Variants in LPP observed in about 807,000 individuals in gnomAD.
The protein encoded by LPP is lipoma-preferred partner.
LPP carries 38 observed loss-of-function variants against 60.4 expected under a neutral mutation model. The ratio of observed to expected loss-of-function variants is 0.63; its 90% confidence interval spans 0.49 to 0.83. The LOEUF (loss-of-function observed/expected upper bound fraction) is 0.83, where lower values mean the gene tolerates loss of function less well. Ranked by LOEUF, LPP falls within the 40% of genes least tolerant of loss-of-function variation. LPP has a pLI of 0.00. For synonymous variants in LPP, 328 were observed against 290.8 expected (o/e 1.13, Z -1.30); for missense variants, 902 against 783.6 (o/e 1.15, Z -1.80).
rs903488753 is a variant in LPP, at chr3:188,402,744, T to A, written c.-9-3368T>A. 4.6e-5 allele frequency among the ~76,000 whole-genome samples: 7 copies of A among 152,338 alleles called. No individual in the cohort carries two copies. The East Asian group carries it at 1.4e-3, about 29-fold the overall frequency. ...GCCGGTATAGTGAGACTAGTTGGAG[T>A]TTCCAACTTGTTGGGACATGTAGGC... is the stretch of plus-strand genomic sequence containing the variant. On this transcript the variant is annotated intron_variant, in intron 3 of 11. Coordinates refer to ENST00000617246, the MANE Select transcript of LPP (RefSeq NM_001375462.1).
rs1242692881 is a variant in LPP at position 188,874,232 on chromosome 3, G to C, written c.1711-119G>C. ...AGGGGATTAGCAGAATGTAAAGCAG[G>C]AAGGATAGTAAGTGGCCACATTATG... On this transcript the variant is annotated intron_variant, in intron 11 of 11. Coordinates refer to ENST00000617246, the MANE Select transcript of LPP (RefSeq NM_001375462.1). 3 of 790,822 alleles carry C rather than the reference G, an allele frequency of 3.8e-6. No homozygotes were observed. The Admixed American group carries it at 7.7e-5, about 20-fold the overall frequency. The allele number at this position is 790,822 out of a possible 1,614,324, so 49.0% of individuals were successfully genotyped here.
chr3:188,639,108 T>G lies in LPP; in HGVS notation c.1113+29264T>G, dbSNP rs559108033. ...GCTGGAGGCATCACGCTACCTGACT[T>G]CAAACTATACTACAAGGCTACGGTA... On this transcript the variant is annotated intron_variant, in intron 7 of 11. Coordinates refer to ENST00000617246, the MANE Select transcript of LPP (RefSeq NM_001375462.1). Among the ~76,000 whole-genome samples, 476 of 151,922 alleles carry G rather than the reference T, an allele frequency of 3.1e-3. 1 individual carries two copies. Among genetic ancestry groups the G allele is most frequent in the African/African-American group, 0.011 (436 of 41,496 alleles).
chr3:188,562,791 C>T (rs1374115902), intron 6 of LPP, among the ~76,000 whole-genome samples: 7 of 152,062 alleles, frequency 4.6e-5, no homozygotes, highest in African/African-American at 9.6e-5. Context: ...TAAAATCCTA[C>T]GGCCTCGTTT....
chr3:188,239,091 G>A (rs1034964352), intron 2 of LPP, among the ~76,000 whole-genome samples: 1 of 152,240 alleles, frequency 6.6e-6, no homozygotes, highest in African/African-American at 2.4e-5. Flanking sequence ...CACTGGATCA[G>A]GAGCAGGATG....
chr3:188,772,528 T>C (rs745322020), intron 9 of LPP, among the ~76,000 whole-genome samples: 1 of 151,916 alleles, frequency 6.6e-6, no homozygotes, highest in Non-Finnish European at 1.5e-5. Flanking sequence ...AGAGTCTCAC[T>C]CTGTAGCCCA....
chr3:188,611,533 G>A (rs1171279819), intron 7 of LPP, among the ~76,000 whole-genome samples: 1 of 152,138 alleles, frequency 6.6e-6, no homozygotes, highest in Non-Finnish European at 1.5e-5. Flanking sequence ...ACCCAGGGAA[G>A]ATTACAGTAA....
chr3:188,701,125 A>T (rs1026557723), intron 7 of LPP, among the ~76,000 whole-genome samples: 1 of 152,218 alleles, frequency 6.6e-6, no homozygotes, highest in African/African-American at 2.4e-5. Flanking sequence ...TATGACAGAT[A>T]CTGTTATGTA....
chr3:188,203,253 G>A (rs1370003806), intron 1 of LPP, among the ~76,000 whole-genome samples: 6 of 120,040 alleles, frequency 5.0e-5, no homozygotes, highest in Non-Finnish European at 8.1e-5. Flanking sequence ...TATTAATATA[G>A]TATAGTAAAA....
chr3:188,413,467 T>C (rs1314824670), intron 4 of LPP, among the ~76,000 whole-genome samples: 1 of 152,140 alleles, frequency 6.6e-6, no homozygotes, highest in African/African-American at 2.4e-5. Flanking sequence ...TAGCCACAAA[T>C]TCACGGAAAC....
At chr3:188,804,418 A>G (rs1748453255) in intron 9 of LPP, among the ~76,000 whole-genome samples, 1 of 151,160 alleles carries the variant, frequency 6.6e-6, no homozygotes, top group Non-Finnish European at 1.5e-5. Context: ...GTCACTTATA[A>G]ATTGGAGCTA....
At chr3:188,712,228 AG>A (rs748968414) in intron 8 of LPP, 1 of 152,286 alleles carries the variant, frequency 6.6e-6, no homozygotes, top group Non-Finnish European at 1.5e-5. Flanking sequence ...GATGAAATCA[AG>A]AGGCAAAGGA....
intron 3 of LPP, among the ~76,000 whole-genome samples, chr3:188,366,962 T>G (rs908788285): frequency 1.3e-5 from 2 of 151,930 alleles, no homozygotes; most frequent in African/African-American, 4.8e-5. Flanking sequence ...AGTGGTGCGA[T>G]CTCGCCTCAC....
chr3:188,436,182 G>A (rs968891392), intron 4 of LPP, among the ~76,000 whole-genome samples: 6 of 152,278 alleles, frequency 3.9e-5, no homozygotes. Flanking sequence ...TAGAGGTAAT[G>A]TCACCTAGTA....
At chr3:188,422,698 C>T (rs973810891) in intron 4 of LPP, among the ~76,000 whole-genome samples, 2 of 152,134 alleles carry the variant, frequency 1.3e-5, no homozygotes, top group Non-Finnish European at 2.9e-5. Context: ...CATAGTGTAA[C>T]GATCTCTGGA....
At chr3:188,442,534 G>A (rs190142762) in intron 4 of LPP, among the ~76,000 whole-genome samples, 1 of 152,278 alleles carries the variant, frequency 6.6e-6, no homozygotes, top group African/African-American at 2.4e-5. Context: ...ATGGCTTCTT[G>A]CAAACACTTA....
chr3:188,511,180 C>T (rs1815440631), intron 5 of LPP, among the ~76,000 whole-genome samples: 2 of 124,358 alleles, frequency 1.6e-5, no homozygotes, highest in South Asian at 6.1e-4. Context: ...TCCTTTCTAC[C>T]TGACTCTCTC....
At chr3:188,580,829 C>CGTTA (rs1429129567) in intron 6 of LPP, among the ~76,000 whole-genome samples, 2 of 152,096 alleles carry the variant, frequency 1.3e-5, no homozygotes, top group Non-Finnish European at 2.9e-5. Context: ...GGCAATCTAA[C>CGTTA]ATCTACAGAT....
intron 2 of LPP, among the ~76,000 whole-genome samples, chr3:188,312,201 A>T (rs972851502): frequency 5.3e-5 from 8 of 152,186 alleles, no homozygotes; most frequent in Non-Finnish European, 1.2e-4. Context: ...ATTCCAGTGT[A>T]TATAAATACA....
At chr3:188,251,263 T>G (rs1244568367) in intron 2 of LPP, among the ~76,000 whole-genome samples, 2 of 151,684 alleles carry the variant, frequency 1.3e-5, no homozygotes, top group African/African-American at 4.8e-5. Flanking sequence ...CCTGTGTCCT[T>G]GAGACATGTC....
Sources: allele counts gnomAD v4.1 joint callset (sites outside exome capture counted in the v4.1 genomes callset), GRCh38; gene constraint gnomAD v4.1.1; transcripts MANE v1.5; gene names NCBI Gene and HGNC (gene_info 2026-07-23, HGNC 2026-07-21).